SPICE1: variants seen among roughly 807,000 people sequenced by gnomAD.
The protein encoded by SPICE1 is spindle and centriole associated protein 1.
SPICE1 carries 75 observed loss-of-function variants against 102.7 expected under a neutral mutation model. That is an observed-to-expected ratio of 0.73 (90% CI 0.61 to 0.88). The LOEUF is 0.88. Ranked by LOEUF, SPICE1 falls within the 40% of genes least tolerant of loss-of-function variation. The pLI is 0.00. For synonymous variants in SPICE1, 308 were observed against 350.3 expected, an observed-to-expected ratio of 0.88 and a Z score of 1.35; for missense variants, 979 against 1,020.1, an observed-to-expected ratio of 0.96 and a Z score of 0.55.
chr3:113,467,399 C>T (rs1936085570), intron 10 of SPICE1, among the ~76,000 whole-genome samples: 1 of 152,202 alleles, frequency 6.6e-6, no homozygotes, highest in Non-Finnish European at 1.5e-5. Context: ...GAAAGTAATT[C>T]TCCTGCCTCA....
intron 12 of SPICE1, among the ~76,000 whole-genome samples, chr3:113,457,724 T>C (rs537576279): frequency 4.5e-4 from 69 of 152,272 alleles, no homozygotes; most frequent in Non-Finnish European, 8.1e-4. Flanking sequence ...AGTGGAGCGA[T>C]CTTGGCTCAC....
intron 3 of SPICE1, among the ~76,000 whole-genome samples, chr3:113,502,678 A>C (rs1937032472): frequency 6.6e-6 from 1 of 150,668 alleles, no homozygotes; most frequent in South Asian, 2.1e-4. Flanking sequence ...AAAAAAAAAA[A>C]AAAAAACCTA....
rs1936967649 is a variant in SPICE1, at chr3:113,499,546, C to A, written c.184G>T (p.Ala62Ser). The A allele has an allele frequency of 1.9e-6, 3 of 1,612,010 alleles. No individual in the cohort carries two copies. The highest frequency in any genetic ancestry group is 2.5e-6 in the Non-Finnish European group (3 of 1,179,444). ...RHEIHKSKNR[A>S]LVHWELQEKA... ...TCTTGGAGTTCCCAGTGTACTAATG[C>A]TCTATTCTTCGATTTGTGTATTTCA... The change falls in exon 4 of 18, where the codon GCA (alanine) becomes TCA (serine). Residue 62 changes from alanine (A) to serine (S), a missense_variant. By Grantham distance (99) the Ala-to-Ser change is moderately conservative (BLOSUM62 1). Coordinates refer to ENST00000295872, the MANE Select transcript of SPICE1 (RefSeq NM_144718.4).
intron 15 of SPICE1, chr3:113,449,603 A>G (rs1044150528): frequency 2.6e-5 from 4 of 152,338 alleles, no homozygotes; most frequent in South Asian, 2.1e-4. Flanking sequence ...AAGGTAACCT[A>G]CTTCAACCAG....
chr3:113,450,198 G>T, intron 15 of SPICE1, 138 bp downstream of exon 15: 2 of 827,732 alleles, frequency 2.4e-6, no homozygotes, highest in African/African-American at 1.7e-5. Flanking sequence ...GTGAGTTAGG[G>T]CTATTTCTTT....
At position 113,452,513 on chromosome 3, in the gene SPICE1, G is replaced by A. The variant is rs148546627; in HGVS notation, c.2142+953C>T. 9.9e-5 allele frequency among the ~76,000 whole-genome samples: 15 copies of A among 151,836 alleles called. No individual in the cohort carries two copies. The East Asian group carries it at 1.9e-3, about 20-fold the overall frequency. On this transcript the variant is annotated intron_variant, in intron 14 of 17. Transcript: ENST00000295872. ...AGCCTGGCCAACATGGCGAAACCCC[G>A]CCTCTACAAAAAATACAAAAATTCA...
intron 3 of SPICE1, among the ~76,000 whole-genome samples, chr3:113,500,684 A>C (rs1156965248): frequency 6.6e-6 from 1 of 152,210 alleles, no homozygotes. Flanking sequence ...GGTGAACAGT[A>C]CATAGTAGTT....
chr3:113,457,408 A>C (rs746185403), intron 12 of SPICE1, 51 bp from the exon 13 acceptor site: 3 of 1,565,618 alleles, frequency 1.9e-6, no homozygotes, highest in Non-Finnish European at 1.8e-6. Context: ...AGAAACTATG[A>C]GCACATTTCA....
intron 12 of SPICE1, 143 bp from the exon 13 acceptor site, chr3:113,457,500 C>A (rs1935805764): frequency 1.3e-6 from 1 of 761,270 alleles, no homozygotes; most frequent in Non-Finnish European, 2.1e-6. Flanking sequence ...ACTTTCTAGG[C>A]TGTATCCTCC....
Position 113,457,295 on chromosome 3 carries a change from A to G in SPICE1, c.1498T>C (p.Phe500Leu). ...PLMFREEVAE[F>L]PQEELPVKLS... is the part of the protein sequence containing the mutation. Reference sequence around the variant, plus strand: ...TTAACGGGCAACTCTTCCTGTGGGAATTCAGCCACTTCCTCTCTGAACATC... The same window carrying G: ...TTAACGGGCAACTCTTCCTGTGGGAGTTCAGCCACTTCCTCTCTGAACATC... The change falls in exon 13 of 18, where the codon TTC (phenylalanine) becomes CTC (leucine). Residue 500 changes from phenylalanine to leucine, a missense_variant. Phe to Leu is a conservative substitution (Grantham distance 22). Coordinates refer to ENST00000295872, the MANE Select transcript of SPICE1 (RefSeq NM_144718.4). The G allele has an allele frequency of 6.2e-7, 1 of 1,614,200 alleles. No individual in the cohort carries two copies. Among genetic ancestry groups the G allele is most frequent in the Non-Finnish European group, 8.5e-7 (1 of 1,180,030 alleles).
intron 6 of SPICE1, among the ~76,000 whole-genome samples, chr3:113,489,465 G>A (rs928587425): frequency 7.9e-5 from 12 of 152,060 alleles, no homozygotes; most frequent in African/African-American, 2.9e-4. Context: ...TCTCTACAAG[G>A]TCAACCTCAA....
At chr3:113,473,961 T>C (rs1031790040) in intron 7 of SPICE1, among the ~76,000 whole-genome samples, 2 of 151,980 alleles carry the variant, frequency 1.3e-5, no homozygotes, top group Admixed American at 1.3e-4. Flanking sequence ...GTAAACGGAC[T>C]AAATGCTCCA....
chr3:113,509,739 G>A (rs1447553106), intron 1 of SPICE1, among the ~76,000 whole-genome samples: 1 of 152,152 alleles, frequency 6.6e-6, no homozygotes, highest in Non-Finnish European at 1.5e-5. Context: ...ATCTCATCTC[G>A]AATTGTAATC....
At chr3:113,506,693 A>AT (rs1937120052) in intron 1 of SPICE1, 88 bp from the exon 2 acceptor site, 1 of 1,028,556 alleles carries the variant, frequency 9.7e-7, no homozygotes, top group Non-Finnish European at 1.4e-6. Context: ...GAAAAAAAAA[A>AT]CAAATTTTAA....
intron 7 of SPICE1, among the ~76,000 whole-genome samples, chr3:113,481,618 C>T (rs931667288): frequency 6.6e-6 from 1 of 151,664 alleles, no homozygotes; most frequent in Non-Finnish European, 1.5e-5. Context: ...CTCCCTGTGT[C>T]CGTGTGTTCT....
chr3:113,461,520 T>C (rs185207012), intron 11 of SPICE1, among the ~76,000 whole-genome samples: 1 of 152,272 alleles, frequency 6.6e-6, no homozygotes, highest in East Asian at 1.9e-4. Flanking sequence ...GTTCTTAATC[T>C]TCTCTACAAG....
intron 1 of SPICE1, among the ~76,000 whole-genome samples, chr3:113,511,804 CAAAAA>C (rs1220755353): frequency 6.6e-6 from 1 of 151,216 alleles, no homozygotes; most frequent in Non-Finnish European, 1.5e-5. Context: ...TATTAAAATT[CAAAAA>C]AAATGAAAAA....
rs534002620 is a variant in SPICE1, at chr3:113,469,166, T to A, written c.684A>T (p.Ile228=). The change falls in exon 8 of 18, where the codon ATA becomes ATT. Residue 228 remains isoleucine, a synonymous_variant. Coordinates refer to ENST00000295872, the MANE Select transcript of SPICE1 (RefSeq NM_144718.4). ...GAGGAGTTATTTGTGACTGGGTTGC[T>A]ATTTTCTGCTGAATGTCAGTCCACA... ...SKLWTDIQQK[I]ATQSQITPPG... The A allele has an allele frequency of 7.4e-5, 120 of 1,613,482 alleles. 1 individual carries two copies. The South Asian group carries it at 1.3e-3, about 17-fold the overall frequency.
intron 10 of SPICE1, among the ~76,000 whole-genome samples, chr3:113,467,354 C>A (rs904586562): frequency 6.6e-6 from 1 of 152,144 alleles, no homozygotes; most frequent in Non-Finnish European, 1.5e-5. Flanking sequence ...TGCAGTGGCG[C>A]GATCTCGGCT....
Sources: allele counts gnomAD v4.1 joint callset (sites outside exome capture counted in the v4.1 genomes callset), GRCh38; gene constraint gnomAD v4.1.1; transcripts MANE v1.5; gene names NCBI Gene and HGNC (gene_info 2026-07-23, HGNC 2026-07-21).